Variants in CARF observed in about 807,000 individuals in gnomAD.
CARF encodes the protein calcium-responsive transcription factor.
A neutral mutation model predicts 82.0 loss-of-function variants in CARF; 57 were observed. The ratio of observed to expected loss-of-function variants is 0.70; its 90% CI spans 0.56 to 0.87. The LOEUF is 0.87. CARF is among the 40% of genes least tolerant of loss of function. The pLI is 0.00. For missense variants in CARF, 771 were observed against 855.8 expected (o/e 0.90, Z 1.24); for synonymous variants, 268 against 290.1 (o/e 0.92, Z 0.77).
intron 1 of CARF, among the ~76,000 whole-genome samples, chr2:202,914,929 T>C (rs573483343): frequency 4.9e-4 from 74 of 152,238 alleles, no homozygotes; most frequent in Non-Finnish European, 8.1e-4. Context: ...AGATTTTTTT[T>C]CCCTGAAAAT....
At chr2:202,913,469 C>G (rs183647541) in intron 1 of CARF, among the ~76,000 whole-genome samples, 2 of 152,218 alleles carry the variant, frequency 1.3e-5, no homozygotes, top group Admixed American at 6.5e-5. Context: ...GTTACTAATT[C>G]CAGTTTAACT....
At chr2:202,975,140 A>G (rs2059973406) in intron 13 of CARF, among the ~76,000 whole-genome samples, 1 of 151,780 alleles carries the variant, frequency 6.6e-6, no homozygotes, top group South Asian at 2.1e-4. Context: ...GCAAAACCCC[A>G]TCTCTACTAA....
intron 3 of CARF, among the ~76,000 whole-genome samples, chr2:202,937,394 T>C: frequency 6.6e-6 from 1 of 152,168 alleles, no homozygotes; most frequent in South Asian, 2.1e-4. Flanking sequence ...TTGTAATTTG[T>C]TTGCTTGCCA....
intron 3 of CARF, among the ~76,000 whole-genome samples, chr2:202,932,164 G>A (rs1693057029): frequency 6.6e-6 from 1 of 152,092 alleles, no homozygotes; most frequent in South Asian, 2.1e-4. Context: ...GGCAGATGAC[G>A]TTAAACCATG....
At chr2:202,935,329 T>C (rs1693752259) in intron 3 of CARF, among the ~76,000 whole-genome samples, 1 of 3,472 alleles carries the variant, frequency 2.9e-4, no homozygotes, top group Non-Finnish European at 3.3e-3. Context: ...TATATTTATA[T>C]ATATATATAT....
intron 14 of CARF, among the ~76,000 whole-genome samples, chr2:202,979,798 CAAA>C (rs796554415): frequency 9.2e-6 from 1 of 109,140 alleles, no homozygotes; most frequent in Admixed American, 9.9e-5. Context: ...AAGACTGTCT[CAAA>C]AAAAAAAAAA....
At position 202,960,075 on chromosome 2, in the gene CARF, T is replaced by C. The variant is rs188109865; in HGVS notation, c.643-1162T>C. On this transcript the variant is annotated intron_variant, in intron 8 of 16. Coordinates refer to ENST00000438828, the MANE Select transcript of CARF (RefSeq NM_024744.17). ...TACATGTCTTAACCAACTGTGTGTG[T>C]GTGCATGTATACATGTACTTGTCTA... 8.1e-3 allele frequency among the ~76,000 whole-genome samples: 1,231 copies of C among 152,354 alleles called. 10 individuals are homozygous for C. The highest frequency in any genetic ancestry group is 0.013 in the Non-Finnish European group (912 of 68,026).
chr2:202,966,785 AC>A (rs2059570972), intron 9 of CARF, among the ~76,000 whole-genome samples, 192 bp from the exon 10 acceptor site: 1 of 152,210 alleles, frequency 6.6e-6, no homozygotes, highest in African/African-American at 2.4e-5. Flanking sequence ...TAATTATGGT[AC>A]CTTTGGTAAA....
chr2:202,949,083 C>G (rs2058635730), intron 5 of CARF, among the ~76,000 whole-genome samples: 1 of 152,076 alleles, frequency 6.6e-6, no homozygotes, highest in South Asian at 2.1e-4. Flanking sequence ...CGCCTGTAAT[C>G]CCAGCACTTT....
chr2:202,951,630 A>G (rs916857222), intron 5 of CARF, among the ~76,000 whole-genome samples: 3 of 152,050 alleles, frequency 2.0e-5, no homozygotes, highest in African/African-American at 7.2e-5. Context: ...TCAACTTCAT[A>G]TGTCTTTTTA....
intron 3 of CARF, among the ~76,000 whole-genome samples, chr2:202,937,633 TA>T (rs1694162715): frequency 6.6e-6 from 1 of 152,156 alleles, no homozygotes; most frequent in Non-Finnish European, 1.5e-5. Flanking sequence ...GTTTATTTAT[TA>T]TTTTTTTGAG....
rs144015125 is a variant in CARF, at chr2:202,948,783, C to T, written c.307-3776C>T. ...GGGTTTTCTAAATGTAGGATCATGT[C>T]GTCTGCAAACAAGGATAGTCCAACT... On this transcript the variant is annotated intron_variant, in intron 5 of 16. Coordinates refer to ENST00000438828, the MANE Select transcript of CARF (RefSeq NM_024744.17). Among the ~76,000 whole-genome samples the T allele has an allele frequency of 5.6e-3, 854 of 152,236 alleles. 9 individuals are homozygous for T. The highest frequency in any genetic ancestry group is 0.019 in the African/African-American group (799 of 41,554).
At chr2:202,951,871 C>T (rs527296974) in intron 5 of CARF, among the ~76,000 whole-genome samples, 55 of 149,586 alleles carry the variant, frequency 3.7e-4, no homozygotes, top group African/African-American at 1.3e-3. Flanking sequence ...CTCGCTCTGT[C>T]GCCCAGGCTG....
intron 3 of CARF, among the ~76,000 whole-genome samples, chr2:202,927,977 C>T (rs1313438960): frequency 6.6e-6 from 1 of 151,936 alleles, no homozygotes; most frequent in Non-Finnish European, 1.5e-5. Context: ...TTTTTAATTA[C>T]TATATTTGGT....
At chr2:202,924,181 G>T (rs1260496008) in intron 2 of CARF, 116 bp from the exon 3 acceptor site, 5 of 152,154 alleles carry the variant, frequency 3.3e-5, no homozygotes, top group African/African-American at 4.8e-5. Context: ...TAAGGTCTTT[G>T]TCAGCTACAT....
At position 202,982,204 on chromosome 2, in the gene CARF, C is replaced by T. The variant is rs754701730; in HGVS notation, c.1822C>T (p.Leu608=). The part of the protein sequence containing the change: ...IGSAVMNNNS[L]LLGQSHSLQR... ...AAGTGCTGTAATGAATAATAATTCT[C>T]TACTGCTTGGTCAAAGTCATAGCCT... is the stretch of plus-strand genomic sequence containing the variant. The change falls in exon 16 of 17, where the codon CTA becomes TTA. Residue 608 remains leucine, a synonymous_variant. Transcript: ENST00000438828. 5.0e-6 allele frequency: 8 copies of T among 1,614,156 alleles called. No homozygotes were observed. The highest frequency in any genetic ancestry group is 2.2e-5 in the East Asian group (1 of 44,870).
At chr2:202,930,609 A>G (rs1230858570) in intron 3 of CARF, among the ~76,000 whole-genome samples, 1 of 152,042 alleles carries the variant, frequency 6.6e-6, no homozygotes. Flanking sequence ...TCTTGTTCAT[A>G]TTGTGAGTTG....
intron 11 of CARF, among the ~76,000 whole-genome samples, 169 bp from the exon 12 acceptor site, chr2:202,971,335 AT>A (rs1310713368): frequency 6.6e-6 from 1 of 152,150 alleles, no homozygotes; most frequent in Non-Finnish European, 1.5e-5. Context: ...TTAAGAGATC[AT>A]TTTAAATTTT....
chr2:202,948,578 A>G (rs2058611997), intron 5 of CARF, among the ~76,000 whole-genome samples: 1 of 152,004 alleles, frequency 6.6e-6, no homozygotes, highest in Non-Finnish European at 1.5e-5. Context: ...ACCTTCTTGT[A>G]ATCCTAGGTA....
Sources: allele counts gnomAD v4.1 joint callset (sites outside exome capture counted in the v4.1 genomes callset), GRCh38; gene constraint gnomAD v4.1.1; transcripts MANE v1.5; gene names NCBI Gene and HGNC (gene_info 2026-07-23, HGNC 2026-07-21).